PLCH2: variants seen among roughly 807,000 people sequenced by gnomAD.
The protein encoded by PLCH2 is 1-phosphatidylinositol 4,5-bisphosphate phosphodiesterase eta-2.
PLCH2 carries 98 observed loss-of-function variants against 134.7 expected under a neutral mutation model. That is an observed-to-expected ratio of 0.73 (90% CI 0.62 to 0.86). The LOEUF is 0.86. Among genes scored for constraint, PLCH2 ranks in the 40% least tolerant of loss-of-function variants. The probability of loss-of-function intolerance (pLI) is 0.00; values close to 1 mark genes in which losing one functional copy is unlikely to be tolerated. For synonymous variants in PLCH2, 974 were observed against 827.5 expected, an observed-to-expected ratio of 1.18 and a Z score of -3.04; for missense variants, 1,994 against 1,986.6, an observed-to-expected ratio of 1.00 and a Z score of -0.07.
At chr1:2,456,281 C>A (rs973381583) in intron 2 of PLCH2, among the ~76,000 whole-genome samples, 2 of 152,222 alleles carry the variant, frequency 1.3e-5, no homozygotes, top group African/African-American at 4.8e-5. Flanking sequence ...GCAGCCCCCC[C>A]AGTTCGTCCC....
intron 8 of PLCH2, 38 bp from the exon 9 acceptor site, chr1:2,489,169 C>T (rs1170208641): frequency 1.2e-6 from 2 of 1,600,142 alleles, no homozygotes; most frequent in Non-Finnish European, 1.7e-6. Context: ...CCTCTGAGGC[C>T]CTGGCCTCAT....
rs1358864670 is a variant in PLCH2, at chr1:2,498,818, G to C, written c.2424G>C (p.Val808=). 2 of 1,608,674 alleles carry C rather than the reference G, an allele frequency of 1.2e-6. No individual in the cohort carries two copies. Among genetic ancestry groups the C allele is most frequent in the Admixed American group, 3.3e-5 (2 of 59,818 alleles). Residue 808 remains valine (V), a synonymous_variant, in exon 18 of 22, where the codon GTG becomes GTC. Coordinates refer to ENST00000378486, the MANE Select transcript of PLCH2 (RefSeq NM_014638.4). This position sits in a 1 kb window ranked among gnomAD's most constrained non-coding sequence, Gnocchi z 5.4. The stretch of plus-strand genomic sequence containing the variant: ...GCAGCAGGGAGCAGACCCGCGTGGT[G>C]GACGACAACGGTGAGGCTGGGCCGT... ...VDCSREQTRV[V]DDNGFNPTWE...
At chr1:2,471,067 G>A (rs1375500463) in intron 1 of PLCH2, among the ~76,000 whole-genome samples, 1 of 148,026 alleles carries the variant, frequency 6.8e-6, no homozygotes, top group African/African-American at 2.4e-5. Context: ...GCGGTGGGGG[G>A]AGGAAGCTGT....
At position 2,479,781 on chromosome 1, in the gene PLCH2, G is replaced by A; in HGVS notation, c.319G>A (p.Val107Ile). ...QEVSEGRQSE[V>I]FQRYPDGSFD... is the part of the protein sequence containing the mutation. ...GGTGAGTGAGGGGCGGCAGTCGGAG[G>A]TCTTCCAGCGCTACCCTGACGGCAG... The change falls in exon 3 of 22, where the codon GTC (valine) becomes ATC (isoleucine). Residue 107 changes from valine to isoleucine, a missense_variant. Val to Ile is a conservative substitution (Grantham distance 29). Transcript: ENST00000378486. 1 of 1,564,282 alleles carries A rather than the reference G, an allele frequency of 6.4e-7. No homozygotes were observed. Among genetic ancestry groups the A allele is most frequent in the Non-Finnish European group, 8.7e-7 (1 of 1,154,898 alleles).
chr1:2,455,749 T>C (rs1640458415), intron 2 of PLCH2, among the ~76,000 whole-genome samples: 1 of 152,050 alleles, frequency 6.6e-6, no homozygotes, highest in Admixed American at 6.5e-5. Context: ...GCTGCAGGTG[T>C]GAGAGGGCCC....
chr1:2,446,908 C>T (rs1245673120), intron 2 of PLCH2, among the ~76,000 whole-genome samples: 1 of 152,238 alleles, frequency 6.6e-6, no homozygotes, highest in Non-Finnish European at 1.5e-5. Context: ...TGTGTGTGCA[C>T]ACCTCTGTGC....
chr1:2,431,564 G>T (rs1232339212), intron 2 of PLCH2, among the ~76,000 whole-genome samples: 2 of 152,174 alleles, frequency 1.3e-5, no homozygotes, highest in African/African-American at 4.8e-5. Context: ...GGAGCAAGCT[G>T]CGCCCCCTTC....
rs1321203362 is a variant in PLCH2, at chr1:2,444,366, G to A, written c.115+13737G>A. ...TGTGTGGGTCCGGGAGGTGCTGCGT[G>A]GACTTGCCGCATGGCACATCTGCCT... On this transcript the variant is annotated intron_variant, in intron 2 of 3. Coordinates refer to the PLCH2 transcript ENST00000609981. The surrounding 1 kb of genome is among the most constrained non-coding windows in gnomAD (Gnocchi z 4.6). Among the ~76,000 whole-genome samples the A allele has an allele frequency of 6.6e-6, 1 of 152,142 alleles. No individual in the cohort carries two copies. Among genetic ancestry groups the A allele is most frequent in the African/African-American group, 2.4e-5 (1 of 41,434 alleles).
intron 1 of PLCH2, among the ~76,000 whole-genome samples, chr1:2,428,154 G>A (rs541967452): frequency 6.6e-5 from 10 of 152,352 alleles, no homozygotes; most frequent in East Asian, 1.9e-4. Context: ...CCCGAGTGAC[G>A]TTGTCAGTGA....
At position 2,454,570 on chromosome 1, in the gene PLCH2, C is replaced by T. The variant is rs572629371; in HGVS notation, c.116-23906C>T. On this transcript the variant is annotated intron_variant, in intron 2 of 3. Transcript: ENST00000609981. ...TGTCCCTTTACTTGGTAGGGGTGGC[C>T]TGATGGTGGACCCCAGGCCTTCCTG... Among the ~76,000 whole-genome samples, 191 of 152,258 alleles carry T rather than the reference C, an allele frequency of 1.3e-3. No homozygotes were observed. The Middle Eastern group carries it at 0.014, about 11-fold the overall frequency.
chr1:2,460,351 C>T (rs1270418470), intron 2 of PLCH2, among the ~76,000 whole-genome samples: 1 of 152,262 alleles, frequency 6.6e-6, no homozygotes, highest in Non-Finnish European at 1.5e-5. Context: ...CTCACTTCCT[C>T]TCCAGCTCTA....
At chr1:2,475,816 C>T (rs563556564), upstream of PLCH2, among the ~76,000 whole-genome samples, 10 of 152,288 alleles carry the variant, frequency 6.6e-5, no homozygotes, top group East Asian at 7.7e-4. Flanking sequence ...TGGGAGTTGT[C>T]GCTGTAAGGG....
Position 2,502,673 on chromosome 1 carries a change from A to C in PLCH2, c.2959+264A>C, listed in dbSNP as rs1383037000. 2.1e-5 allele frequency: 15 copies of C among 698,948 alleles called. No homozygotes were observed. The South Asian group carries it at 2.2e-4, about 10-fold the overall frequency. The allele number at this position is 698,948 out of a possible 1,614,324, so 43.3% of individuals were successfully genotyped here. On this transcript the variant is annotated intron_variant, in intron 21 of 21. Transcript: ENST00000378486. The stretch of plus-strand genomic sequence containing the variant: ...CTGCTGTGGCCTGGACCCTCACGCT[A>C]TCCCGGGGAGAAGCAGAGAGGCCCC...
chr1:2,455,650 G>T (rs1042807930), intron 2 of PLCH2, among the ~76,000 whole-genome samples: 1 of 152,170 alleles, frequency 6.6e-6, no homozygotes, highest in East Asian at 1.9e-4. Context: ...GTCAGGCGGG[G>T]GCAGGAGCAG....
chr1:2,420,777 C>T, the PLCH2 span, among the ~76,000 whole-genome samples: 2 of 152,164 alleles, frequency 1.3e-5, no homozygotes, highest in Non-Finnish European at 2.9e-5. Flanking sequence ...AGTGAGTGAT[C>T]GATCGATTCA....
At chr1:2,428,542 G>A (rs12022929) in intron 1 of PLCH2, among the ~76,000 whole-genome samples, 2 of 152,212 alleles carry the variant, frequency 1.3e-5, no homozygotes, top group African/African-American at 4.8e-5. Context: ...CTGACCTCAT[G>A]GTCCTCCGTG....
intron 10 of PLCH2, among the ~76,000 whole-genome samples, chr1:2,490,584 C>T (rs572609864): frequency 2.0e-5 from 3 of 152,314 alleles, no homozygotes; most frequent in East Asian, 1.9e-4. Flanking sequence ...AATTGTGCAG[C>T]GTGCTCCTGG....
chr1:2,450,395 C>T (rs947053661), intron 2 of PLCH2, among the ~76,000 whole-genome samples: 2 of 151,988 alleles, frequency 1.3e-5, no homozygotes, highest in Non-Finnish European at 2.9e-5. Context: ...TGAAGATGGG[C>T]TGGGCCGTCT....
In PLCH2 at chr1:2,448,594, T is replaced by C. The variant is rs972094060; in HGVS notation, c.115+17965T>C. The stretch of plus-strand genomic sequence containing the variant: ...CAGGCTCTGGGATGCGGATGTGTTT[T>C]CTGTCGGGGGTCGCCCTTCAGCCCC... On this transcript the variant is annotated intron_variant, in intron 2 of 3. Coordinates refer to the PLCH2 transcript ENST00000609981. This position sits in a 1 kb window ranked among gnomAD's most constrained non-coding sequence, Gnocchi z 4.0. Among the ~76,000 whole-genome samples, 1 of 152,182 alleles carries C rather than the reference T, an allele frequency of 6.6e-6. No individual in the cohort carries two copies. The highest frequency in any genetic ancestry group is 1.5e-5 in the Non-Finnish European group (1 of 68,026).
Sources: allele counts gnomAD v4.1 joint callset (sites outside exome capture counted in the v4.1 genomes callset), GRCh38; gene constraint gnomAD v4.1.1; non-coding constraint Gnocchi (gnomAD v3.1); transcripts MANE v1.5; gene names NCBI Gene and HGNC (gene_info 2026-07-23, HGNC 2026-07-21).